Variants in PITPNM3 observed in about 807,000 individuals in gnomAD.
The protein encoded by PITPNM3 is PITPNM family member 3, also known as membrane-associated phosphatidylinositol transfer protein 3.
In PITPNM3, 26 loss-of-function variants were observed where a neutral mutation model predicts 102.0. The observed-to-expected ratio is 0.25, with a 90% confidence interval of 0.19 to 0.35. The LOEUF (loss-of-function observed/expected upper bound fraction) is 0.35. Among genes scored for constraint, PITPNM3 ranks in the 10% least tolerant of loss-of-function variants. PITPNM3 has a pLI of 1.00. For synonymous variants in PITPNM3, 578 were observed against 558.6 expected (o/e 1.03, Z -0.49); for missense variants, 1,083 against 1,346.1 (o/e 0.80, Z 3.06).
At chr17:6,467,329 G>C (rs1276806131) in intron 14 of PITPNM3, among the ~76,000 whole-genome samples, 1 of 152,176 alleles carries the variant, frequency 6.6e-6, no homozygotes, top group Non-Finnish European at 1.5e-5. Context: ...GGCACAGAAA[G>C]TCGATTACTG....
chr17:6,463,985 G>A, intron 16 of PITPNM3, 104 bp from the exon 17 acceptor site: 3 of 1,558,674 alleles, frequency 1.9e-6, no homozygotes, highest in Non-Finnish European at 2.6e-6. Context: ...CTGGGTCAAG[G>A]TCAGAGAGCA....
At position 6,468,373 on chromosome 17, in the gene PITPNM3, G is replaced by A; in HGVS notation, c.1774-32C>T. 6.2e-7 allele frequency: 1 copy of A among 1,605,150 alleles called. No homozygotes were observed. Among genetic ancestry groups the A allele is most frequent in the Non-Finnish European group, 8.5e-7 (1 of 1,172,142 alleles). The stretch of plus-strand genomic sequence containing the variant: ...AAGAGCCGAGCAGGGCCCCGGTCAG[G>A]TCTTCTGGCTTCTCTGCTTCCCTCC... On this transcript the variant is annotated intron_variant, in intron 13 of 19. Transcript: ENST00000262483. The surrounding 1 kb of genome is among the most constrained non-coding windows in gnomAD (Gnocchi z 5.2).
At chr17:6,491,506 A>G (rs914111716) in intron 4 of PITPNM3, among the ~76,000 whole-genome samples, 2 of 152,160 alleles carry the variant, frequency 1.3e-5, no homozygotes, top group Admixed American at 6.5e-5. Context: ...TGCAAAGATG[A>G]AAGTGGATCG....
intron 2 of PITPNM3, among the ~76,000 whole-genome samples, chr17:6,531,110 T>C (rs1909122946): frequency 6.6e-6 from 1 of 152,254 alleles, no homozygotes; most frequent in African/African-American, 2.4e-5. Context: ...TGTTTGCTGG[T>C]ACAAATAATT....
chr17:6,466,152 C>T (rs773320399), intron 14 of PITPNM3, among the ~76,000 whole-genome samples: 19 of 152,218 alleles, frequency 1.2e-4, no homozygotes, highest in Non-Finnish European at 2.2e-4. Flanking sequence ...TTGCTCACAC[C>T]GCTGTCCCGC....
At chr17:6,508,246 C>T (rs923569573) in intron 3 of PITPNM3, among the ~76,000 whole-genome samples, 2 of 152,246 alleles carry the variant, frequency 1.3e-5, no homozygotes, top group African/African-American at 4.8e-5. Flanking sequence ...TCAAAGCCAG[C>T]CCTGAGTGCG....
At chr17:6,513,842 G>A (rs553262593) in intron 3 of PITPNM3, among the ~76,000 whole-genome samples, 23 of 152,274 alleles carry the variant, frequency 1.5e-4, no homozygotes, top group African/African-American at 5.5e-4. Flanking sequence ...TGCAAAAGAA[G>A]AACAAAGCTA....
At chr17:6,465,757 A>G (rs2150719835) in intron 14 of PITPNM3, among the ~76,000 whole-genome samples, 1 of 152,186 alleles carries the variant, frequency 6.6e-6, no homozygotes, top group Non-Finnish European at 1.5e-5. Context: ...AACTGGTTTC[A>G]GTTCATTCTG....
At position 6,451,880 on chromosome 17, in the gene PITPNM3, C is replaced by CG. The variant is rs1426818897; in HGVS notation, c.*3457_*3458insC. The CG allele has an allele frequency of 6.9e-5, 2 of 28,874 alleles. No individual in the cohort carries two copies. The highest frequency in any genetic ancestry group is 1.5e-4 in the Non-Finnish European group (2 of 13,360). The allele number at this position is 28,874 out of a possible 1,614,324, so 1.8% of individuals were successfully genotyped here. A position where few individuals can be genotyped will look rare whatever the true frequency, so the allele number is the denominator to read the frequency against. On this transcript the variant is annotated 3_prime_UTR_variant, in exon 20 of 20. Coordinates refer to ENST00000262483, the MANE Select transcript of PITPNM3 (RefSeq NM_031220.4). ...AGGGCACTTGGCACCCAAACCCCCC[C>CG]CCCCCGCCCGCCGATGGGATTCGGT...
intron 3 of PITPNM3, among the ~76,000 whole-genome samples, chr17:6,522,064 C>G (rs1908559547): frequency 6.6e-6 from 1 of 152,100 alleles, no homozygotes; most frequent in Non-Finnish European, 1.5e-5. Flanking sequence ...TTTACACCAC[C>G]CATGTAGAAT....
At chr17:6,555,231 T>C (rs1370631954) in intron 1 of PITPNM3, among the ~76,000 whole-genome samples, 2 of 152,184 alleles carry the variant, frequency 1.3e-5, no homozygotes, top group East Asian at 1.9e-4. Context: ...ACAGGACTCC[T>C]TGGGGACAGA....
intron 9 of PITPNM3, among the ~76,000 whole-genome samples, chr17:6,475,125 T>C (rs1486905452): frequency 6.6e-6 from 1 of 152,216 alleles, no homozygotes; most frequent in Non-Finnish European, 1.5e-5. Context: ...GTCAGTTCTG[T>C]TCTGCTGGGA....
chr17:6,492,523 G>A (rs1305308578), intron 4 of PITPNM3, among the ~76,000 whole-genome samples: 2 of 152,104 alleles, frequency 1.3e-5, no homozygotes, highest in African/African-American at 2.4e-5. Flanking sequence ...GAATAAATGT[G>A]GAACATGATG....
chr17:6,541,897 C>A (rs537499022), intron 1 of PITPNM3, among the ~76,000 whole-genome samples: 5 of 152,208 alleles, frequency 3.3e-5, no homozygotes, highest in Admixed American at 2.6e-4. Context: ...GCATGCCAGG[C>A]AGTCTGCTAG....
At position 6,505,195 on chromosome 17, in the gene PITPNM3, A is replaced by AATATAT. The variant is rs55839764; in HGVS notation, c.227-1627_227-1622dup. On this transcript the variant is annotated intron_variant, in intron 3 of 19. Transcript: ENST00000262483. The stretch of plus-strand genomic sequence containing the variant: ...CGTCTCCAAAAAAGAAGACAAATAA[A>AATATAT]ATATATATATATATATATATGTAAA... Among the ~76,000 whole-genome samples the AATATAT allele has an allele frequency of 6.6e-3, 903 of 136,298 alleles. 15 individuals are homozygous for AATATAT. Among genetic ancestry groups the AATATAT allele is most frequent in the Middle Eastern group, 0.029 (8 of 272 alleles). 89.4% of individuals were successfully genotyped at this position (136,298 alleles called of 152,430 possible). A position where few individuals can be genotyped will look rare whatever the true frequency, so the allele number is the denominator to read the frequency against.
chr17:6,538,280 A>G (rs1160002208), intron 1 of PITPNM3, among the ~76,000 whole-genome samples, 198 bp from the exon 2 acceptor site: 1 of 152,214 alleles, frequency 6.6e-6, no homozygotes, highest in Admixed American at 6.5e-5. Context: ...GAGTAAGTGC[A>G]GCAGAGCAGG....
At chr17:6,522,764 T>C (rs1398653610) in intron 3 of PITPNM3, among the ~76,000 whole-genome samples, 1 of 152,152 alleles carries the variant, frequency 6.6e-6, no homozygotes, top group Non-Finnish European at 1.5e-5. Flanking sequence ...AGTTCACGGA[T>C]CTTCCTTTCC....
At chr17:6,483,806 G>A in intron 5 of PITPNM3, 54 bp from the exon 6 acceptor site, 2 of 1,478,726 alleles carry the variant, frequency 1.4e-6, no homozygotes, top group African/African-American at 1.4e-5. Context: ...GGTCGGGGGA[G>A]GCACACAGGG....
intron 3 of PITPNM3, among the ~76,000 whole-genome samples, chr17:6,516,686 C>T (rs2150629842): frequency 6.6e-6 from 1 of 151,742 alleles, no homozygotes; most frequent in East Asian, 1.9e-4. Context: ...ACAACAAAAA[C>T]CTACTCAGAA....
Sources: gnomAD v4.1 joint callset for allele counts (sites outside exome capture counted in the v4.1 genomes callset) on GRCh38, gnomAD v4.1.1 for gene constraint, Gnocchi (gnomAD v3.1) non-coding constraint, MANE v1.5 for transcripts, NCBI Gene and HGNC (gene_info 2026-07-23, HGNC 2026-07-21) for gene names.